Variants in DENND1A observed in about 807,000 individuals in gnomAD.
The protein encoded by DENND1A is DENN domain-containing protein 1A.
Under a neutral mutation model 113.7 loss-of-function variants are expected in DENND1A, and 51 were observed. The observed-to-expected ratio is 0.45, with a 90% CI of 0.36 to 0.57. DENND1A has a LOEUF of 0.57. Among genes scored for constraint, DENND1A ranks in the 20% least tolerant of loss-of-function variants. DENND1A has a pLI of 0.00. For synonymous variants in DENND1A, 565 were observed against 570.8 expected, an observed-to-expected ratio of 0.99 and a Z score of 0.14; for missense variants, 1,258 against 1,395.9, an observed-to-expected ratio of 0.90 and a Z score of 1.57.
chr9:123,897,920 AC>A (rs1851022150), intron 1 of DENND1A, among the ~76,000 whole-genome samples: 1 of 151,514 alleles, frequency 6.6e-6, no homozygotes, highest in Non-Finnish European at 1.5e-5. Flanking sequence ...ACTCCGGGCA[AC>A]AGAGTAGGAC....
intron 2 of DENND1A, among the ~76,000 whole-genome samples, chr9:123,794,162 C>A (rs1833426960): frequency 6.6e-6 from 1 of 152,100 alleles, no homozygotes; most frequent in African/African-American, 2.4e-5. Flanking sequence ...CCAGCGGGCA[C>A]CAAGAGTGTG....
At chr9:123,603,003 G>C (rs1235923974) in intron 11 of DENND1A, among the ~76,000 whole-genome samples, 1 of 152,206 alleles carries the variant, frequency 6.6e-6, no homozygotes, top group African/African-American at 2.4e-5. Context: ...TTTATACCTG[G>C]ATGTAACTAT....
intron 2 of DENND1A, among the ~76,000 whole-genome samples, chr9:123,836,195 C>T (rs564596186): frequency 6.6e-6 from 1 of 152,110 alleles, no homozygotes; most frequent in Non-Finnish European, 1.5e-5. Context: ...TGATTTTGAA[C>T]AAAATTTACC....
At chr9:123,473,090 G>A (rs2049584478) in intron 13 of DENND1A, among the ~76,000 whole-genome samples, 1 of 152,236 alleles carries the variant, frequency 6.6e-6, no homozygotes, top group Non-Finnish European at 1.5e-5. Flanking sequence ...GACCTCCTCA[G>A]GGGCAGGCCG....
chr9:123,485,629 T>TGTGCGCCCGTGTGTGTGA (rs2050743091), intron 13 of DENND1A: 1 of 143,022 alleles, frequency 7.0e-6, no homozygotes, highest in African/African-American at 2.7e-5. Flanking sequence ...CGTGTGTGTG[T>TGTGCGCCCGTGTGTGTGA]GTGCGCGTAC....
intron 2 of DENND1A, among the ~76,000 whole-genome samples, chr9:123,860,703 T>G (rs956048547): frequency 6.6e-6 from 1 of 152,232 alleles, no homozygotes; most frequent in African/African-American, 2.4e-5. Context: ...TCTCTGCTGC[T>G]TTAGCTTACT....
At chr9:123,445,536 G>C (rs746493966) in intron 18 of DENND1A, among the ~76,000 whole-genome samples, 1 of 152,232 alleles carries the variant, frequency 6.6e-6, no homozygotes, top group Admixed American at 6.5e-5. Flanking sequence ...GTGTGCACAT[G>C]GGTATGTGGG....
chr9:123,402,418 G>A (rs571385703), intron 21 of DENND1A: 23 of 480,012 alleles, frequency 4.8e-5, no homozygotes, highest in East Asian at 2.9e-4. Context: ...TTGACAGCTC[G>A]AAATCATTTT....
chr9:123,457,771 G>A lies in DENND1A; in HGVS notation c.1098+22C>T, dbSNP rs1431705584. 11 of 1,591,822 alleles carry A rather than the reference G, an allele frequency of 6.9e-6. No individual in the cohort carries two copies. The East Asian group carries it at 2.5e-4, about 37-fold the overall frequency. ...ATCCCCGCCAGGGAGCCAGACCCAG[G>A]CCAGACCAGGGAGGGAGGCACCTGC... is the stretch of plus-strand genomic sequence containing the variant. On this transcript the variant is annotated intron_variant, in intron 14 of 23. Transcript: ENST00000394215.
intron 3 of DENND1A, among the ~76,000 whole-genome samples, chr9:123,777,652 T>A (rs1346576471): frequency 6.6e-6 from 1 of 152,232 alleles, no homozygotes; most frequent in African/African-American, 2.4e-5. Flanking sequence ...TTTCTTCTGA[T>A]AGACAGGATC....
intron 12 of DENND1A, among the ~76,000 whole-genome samples, chr9:123,576,745 G>A (rs1325675449): frequency 1.3e-5 from 2 of 152,092 alleles, no homozygotes; most frequent in African/African-American, 2.4e-5. Context: ...CTGCCTCAGT[G>A]CTTTCATTTT....
chr9:123,437,268 G>T (rs2046592394), intron 19 of DENND1A, among the ~76,000 whole-genome samples: 1 of 152,240 alleles, frequency 6.6e-6, no homozygotes, highest in South Asian at 2.1e-4. Flanking sequence ...AATGATCACA[G>T]CTTGGAAAGA....
At chr9:123,849,095 T>C (rs1306790122) in intron 2 of DENND1A, among the ~76,000 whole-genome samples, 2 of 152,220 alleles carry the variant, frequency 1.3e-5, no homozygotes, top group Non-Finnish European at 2.9e-5. Context: ...AGATCATTGA[T>C]AAAGGTGGCT....
chr9:123,551,120 T>C (rs932623593), intron 13 of DENND1A, among the ~76,000 whole-genome samples: 1 of 152,166 alleles, frequency 6.6e-6, no homozygotes, highest in African/African-American at 2.4e-5. Context: ...GAAGGACAAG[T>C]TGGTTTGACT....
intron 12 of DENND1A, among the ~76,000 whole-genome samples, chr9:123,572,604 G>A (rs72757118): frequency 6.6e-6 from 1 of 152,198 alleles, no homozygotes; most frequent in Non-Finnish European, 1.5e-5. Context: ...TGCATGTTGT[G>A]ATGTGTTTCT....
At chr9:123,387,030 G>C (rs1018097457) in intron 22 of DENND1A, among the ~76,000 whole-genome samples, 1 of 152,244 alleles carries the variant, frequency 6.6e-6, no homozygotes, top group Non-Finnish European at 1.5e-5. Flanking sequence ...TCCCTTAAAG[G>C]CTCCCATTAA....
chr9:123,432,956 T>C (rs953163597), intron 19 of DENND1A, among the ~76,000 whole-genome samples: 6 of 152,146 alleles, frequency 3.9e-5, no homozygotes, highest in East Asian at 3.9e-4. Flanking sequence ...TGTGCATGCA[T>C]AGGGCCGCCC....
chr9:123,661,166 T>A (rs1205822617), intron 8 of DENND1A, among the ~76,000 whole-genome samples: 2 of 152,176 alleles, frequency 1.3e-5, no homozygotes, highest in Non-Finnish European at 2.9e-5. Flanking sequence ...ACCCAGAATC[T>A]CTGAAGGCTA....
chr9:123,780,085 G>A (rs534806182), intron 3 of DENND1A, among the ~76,000 whole-genome samples: 2 of 152,180 alleles, frequency 1.3e-5, no homozygotes, highest in East Asian at 1.9e-4. Flanking sequence ...AACTCCTGAC[G>A]TCAAGTGATC....
Sources: gnomAD v4.1 joint callset for allele counts (sites outside exome capture counted in the v4.1 genomes callset) on GRCh38, gnomAD v4.1.1 for gene constraint, MANE v1.5 for transcripts, NCBI Gene and HGNC (gene_info 2026-07-23, HGNC 2026-07-21) for gene names.